CELF4: variants seen among roughly 807,000 people sequenced by gnomAD.
CELF4 encodes the protein CUGBP Elav-like family member 4.
In CELF4, 18 loss-of-function variants were observed where a neutral mutation model predicts 59.9. The observed-to-expected ratio is 0.30, with a 90% CI of 0.21 to 0.45. The LOEUF (loss-of-function observed/expected upper bound fraction) is 0.45. Ranked by LOEUF, CELF4 falls within the 20% of genes least tolerant of loss-of-function variation. The pLI is 1.00. For missense variants in CELF4, 456 were observed against 689.0 expected (o/e 0.66, Z 3.79); for synonymous variants, 261 against 267.1 (o/e 0.98, Z 0.22).
Position 37,320,192 on chromosome 18 carries a change from T to C in CELF4, c.448+1611A>G, listed in dbSNP as rs536798599. Among the ~76,000 whole-genome samples, 5 of 152,070 alleles carry C rather than the reference T, an allele frequency of 3.3e-5. No homozygotes were observed. The East Asian group carries it at 5.8e-4, about 18-fold the overall frequency. ...CTCTACTAAAAATACAAAAATTAGCTGGGTGTGGCGGCATGCGCCTGTAGT... is the reference window on the plus strand; with the variant it reads ...CTCTACTAAAAATACAAAAATTAGCCGGGTGTGGCGGCATGCGCCTGTAGT... On this transcript the variant is annotated intron_variant, in intron 3 of 12. Coordinates refer to ENST00000420428, the MANE Select transcript of CELF4 (RefSeq NM_020180.4).
chr18:37,383,802 G>A (rs2099068701), intron 2 of CELF4, among the ~76,000 whole-genome samples: 1 of 152,204 alleles, frequency 6.6e-6, no homozygotes, highest in African/African-American at 2.4e-5. Flanking sequence ...CACAGGGCCA[G>A]GGCTCTGGTG....
chr18:37,291,416 G>A (rs757964941), intron 3 of CELF4, among the ~76,000 whole-genome samples: 18 of 152,212 alleles, frequency 1.2e-4, no homozygotes, highest in Non-Finnish European at 2.4e-4. Context: ...GCCTGGACCT[G>A]CATATGCATC....
intron 2 of CELF4, among the ~76,000 whole-genome samples, chr18:37,390,461 A>AT (rs1438286076): frequency 6.6e-6 from 1 of 151,406 alleles, no homozygotes; most frequent in Non-Finnish European, 1.5e-5. Context: ...CAGTTACTGG[A>AT]TTTTCTCCTC....
At chr18:37,498,076 A>G (rs2099927230) in intron 1 of CELF4, among the ~76,000 whole-genome samples, 1 of 152,150 alleles carries the variant, frequency 6.6e-6, no homozygotes. Flanking sequence ...GTGCAGGGAC[A>G]CCTGAGTGAA....
At chr18:37,313,659 G>C (rs1201252225) in intron 3 of CELF4, among the ~76,000 whole-genome samples, 1 of 152,176 alleles carries the variant, frequency 6.6e-6, no homozygotes, top group South Asian at 2.1e-4. Context: ...CAGCTGGTGG[G>C]GCCCTTGAAG....
chr18:37,335,428 G>A (rs1359650679), intron 2 of CELF4, among the ~76,000 whole-genome samples: 2 of 152,002 alleles, frequency 1.3e-5, no homozygotes. Context: ...TGTGTTGCAT[G>A]TGCAAATGCA....
chr18:37,561,215 T>C (rs950559473), intron 1 of CELF4, among the ~76,000 whole-genome samples: 9 of 152,172 alleles, frequency 5.9e-5, no homozygotes, highest in African/African-American at 2.2e-4. Context: ...TAGATTTTCC[T>C]CCATGTAGCT....
intron 3 of CELF4, among the ~76,000 whole-genome samples, chr18:37,320,335 CAAAAAAAA>C (rs397858112): frequency 1.5e-5 from 1 of 65,264 alleles, no homozygotes. Flanking sequence ...GACTCCATCT[CAAAAAAAA>C]AAAAAAAAAA....
intron 1 of CELF4, among the ~76,000 whole-genome samples, chr18:37,522,355 A>G (rs1723897287): frequency 6.6e-6 from 1 of 152,118 alleles, no homozygotes; most frequent in African/African-American, 2.4e-5. Flanking sequence ...GACAGGGACC[A>G]TGCATCTCCC....
At chr18:37,300,983 G>T (rs1217065446) in intron 3 of CELF4, among the ~76,000 whole-genome samples, 1 of 152,176 alleles carries the variant, frequency 6.6e-6, no homozygotes, top group Non-Finnish European at 1.5e-5. Flanking sequence ...AGTGGTAAAA[G>T]GCTTGGACTT....
intron 2 of CELF4, among the ~76,000 whole-genome samples, chr18:37,474,959 CT>C (rs1003926115): frequency 1.3e-5 from 2 of 152,216 alleles, no homozygotes; most frequent in African/African-American, 4.8e-5. Flanking sequence ...CGGAAGACCC[CT>C]GGGCACAACC....
intron 2 of CELF4, among the ~76,000 whole-genome samples, chr18:37,386,620 T>C (rs2099102225): frequency 6.6e-6 from 1 of 152,198 alleles, no homozygotes; most frequent in African/African-American, 2.4e-5. Flanking sequence ...TTTGATTGAA[T>C]TAAATTAACT....
At chr18:37,517,914 G>C (rs115697040) in intron 1 of CELF4, among the ~76,000 whole-genome samples, 2,426 of 152,264 alleles carry the variant, frequency 0.016, 68 homozygotes, top group African/African-American at 0.055. Flanking sequence ...GTAGTTCAGG[G>C]TGTGTGTGAG....
At chr18:37,442,466 G>A (rs2099734927) in intron 2 of CELF4, among the ~76,000 whole-genome samples, 1 of 152,162 alleles carries the variant, frequency 6.6e-6, no homozygotes, top group South Asian at 2.1e-4. Flanking sequence ...GGCTGGGTGG[G>A]CCAAGATACC....
intron 1 of CELF4, among the ~76,000 whole-genome samples, chr18:37,506,426 T>C (rs1036244072): frequency 8.5e-5 from 13 of 152,154 alleles, no homozygotes; most frequent in African/African-American, 2.9e-4. Context: ...CTGCTAACTC[T>C]ACATCTGCCC....
chr18:37,437,122 G>GC (rs1183474723), intron 2 of CELF4, among the ~76,000 whole-genome samples: 39 of 152,206 alleles, frequency 2.6e-4, no homozygotes, highest in Non-Finnish European at 5.0e-4. Flanking sequence ...AGGCTCCCCA[G>GC]TGGGTGGCAG....
At chr18:37,563,912 G>A (rs2099987333) in intron 1 of CELF4, among the ~76,000 whole-genome samples, 2 of 152,190 alleles carry the variant, frequency 1.3e-5, no homozygotes, top group African/African-American at 2.4e-5. Flanking sequence ...AACGAAGGGA[G>A]GGCTGGAGAA....
chr18:37,476,892 C>T (rs988210555), intron 2 of CELF4, among the ~76,000 whole-genome samples: 4 of 152,232 alleles, frequency 2.6e-5, no homozygotes, highest in African/African-American at 4.8e-5. Flanking sequence ...CCTGCACCGG[C>T]GGCGAATGCC....
intron 2 of CELF4, among the ~76,000 whole-genome samples, chr18:37,429,400 GTGTGTC>G (rs1170796896): frequency 6.0e-5 from 9 of 150,886 alleles, no homozygotes; most frequent in African/African-American, 2.2e-4. Context: ...GTGTTTGCTG[GTGTGTC>G]TGTGTCTGTG....
Sources: gnomAD v4.1 joint callset for allele counts (sites outside exome capture counted in the v4.1 genomes callset) on GRCh38, gnomAD v4.1.1 for gene constraint, MANE v1.5 for transcripts, NCBI Gene and HGNC (gene_info 2026-07-23, HGNC 2026-07-21) for gene names.